The following CCL18 variants were observed in gnomAD, a reference collection of about 807,000 sequenced individuals.
CCL18 encodes the protein C-C motif chemokine ligand 18, also known as C-C motif chemokine 18.
In CCL18, 7 loss-of-function variants were observed where a neutral mutation model predicts 8.0. The ratio of observed to expected loss-of-function variants is 0.87; its 90% CI spans 0.50 to 1.64. CCL18 has a LOEUF of 1.64. Among genes scored for constraint, CCL18 ranks in the 40% most tolerant of loss-of-function variants. CCL18 has a pLI of 0.00. For synonymous variants in CCL18, 35 were observed against 41.3 expected, an observed-to-expected ratio of 0.85 and a Z score of 0.59; for missense variants, 95 against 107.8, an observed-to-expected ratio of 0.88 and a Z score of 0.52.
rs2015052 is a variant in CCL18, at chr17:36,064,653, T to G, written c.67+244T>G. Among the ~76,000 whole-genome samples, 17,062 of 152,188 alleles carry G rather than the reference T, an allele frequency of 0.11. 1,884 individuals carry two copies. Among genetic ancestry groups the G allele is most frequent in the African/African-American group, 0.29 (11,828 of 41,476 alleles). On this transcript the variant is annotated intron_variant, in intron 1 of 2. Transcript: ENST00000616054. ...ATGGTTGAAGTCTAATTCATTGGGTTATTAGCGTGAGGTAGAATCTAGGTC... is the reference window on the plus strand; with the variant it reads ...ATGGTTGAAGTCTAATTCATTGGGTGATTAGCGTGAGGTAGAATCTAGGTC...
At chr17:36,067,649 T>C (rs1162440063) in intron 1 of CCL18, among the ~76,000 whole-genome samples, 2 of 152,064 alleles carry the variant, frequency 1.3e-5, no homozygotes, top group Admixed American at 1.3e-4. Context: ...ATCACACCAC[T>C]GTACTCCATC....
intron 1 of CCL18, among the ~76,000 whole-genome samples, chr17:36,069,545 T>G (rs1361294330): frequency 1.3e-5 from 2 of 152,220 alleles, no homozygotes; most frequent in Admixed American, 1.3e-4. Flanking sequence ...AGTTTACCTA[T>G]GTAACAAGTC....
Position 36,070,960 on chromosome 17 carries a change from C to A in CCL18, c.189C>A (p.Thr63=), listed in dbSNP as rs764229182. ...QCPKPGVILL[T]KRGRQICADP... is the part of the protein sequence containing the mutation. The stretch of plus-strand genomic sequence containing the variant: ...CCTCCCTTCTCCACAGCCTCCTAAC[C>A]AAGAGAGGCCGGCAGATCTGTGCTG... The change falls in exon 3 of 3, where the codon ACC becomes ACA. Residue 63 remains threonine, a synonymous_variant. Transcript: ENST00000616054. The A allele has an allele frequency of 6.2e-7, 1 of 1,612,918 alleles. No homozygotes were observed. The highest frequency in any genetic ancestry group is 8.5e-7 in the Non-Finnish European group (1 of 1,178,888).
At chr17:36,066,920 C>G (rs1445387245) in intron 1 of CCL18, among the ~76,000 whole-genome samples, 1 of 152,204 alleles carries the variant, frequency 6.6e-6, no homozygotes. Context: ...ACCAAGAAGC[C>G]AAGCTTAGCT....
At chr17:36,064,941 A>G (rs2066829203) in intron 1 of CCL18, among the ~76,000 whole-genome samples, 1 of 152,186 alleles carries the variant, frequency 6.6e-6, no homozygotes. Flanking sequence ...AAGCCAGATT[A>G]TTTCCAGCTT....
chr17:36,070,521 TC>T lies in CCL18; in HGVS notation c.143del (p.Ser48LeufsTer15). 1 of 1,613,932 alleles carries T rather than the reference TC, an allele frequency of 6.2e-7. No individual in the cohort carries two copies. Among genetic ancestry groups the T allele is most frequent in the Non-Finnish European group, 8.5e-7 (1 of 1,179,772 alleles). On this transcript the variant is annotated frameshift_variant, in exon 2 of 3. Transcript: ENST00000616054. LOFTEE classifies it low-confidence loss of function (END_TRUNC). ...QIPQKFIVDYSETSPQCPKPG... is the reference protein window; with the variant it reads ...QIPQKFIVDYXETSPQCPKPG... ...TCCACAAAAGTTCATAGTTGACTAT[TC>T]TGAAACCAGCCCCCAGTGCCCCAAG... is the stretch of plus-strand genomic sequence containing the variant.
intron 1 of CCL18, among the ~76,000 whole-genome samples, chr17:36,069,979 G>A (rs746785001): frequency 1.8e-4 from 27 of 152,172 alleles, no homozygotes; most frequent in Non-Finnish European, 3.1e-4. Flanking sequence ...TTCTTCCTAA[G>A]AGGTTTCAGC....
chr17:36,070,358 T>C (rs1016996142), intron 1 of CCL18, 89 bp from the exon 2 acceptor site: 7 of 754,172 alleles, frequency 9.3e-6, no homozygotes, highest in Non-Finnish European at 1.6e-5. Context: ...TATCTCCCAG[T>C]TCTTCCTGAC....
intron 2 of CCL18, 136 bp downstream of exon 2, chr17:36,070,694 C>T: frequency 1.5e-6 from 1 of 659,226 alleles, no homozygotes. Flanking sequence ...TGTTTTGTGA[C>T]CTGGCCTGGG....
rs1444978243 is a variant in CCL18, at chr17:36,071,699, T to A, written c.*658T>A. ...GTAACTGAAATGTGATAGAAAAATT[T>A]TCTACTTAAATGAATATCAAGATGA... On this transcript the variant is annotated 3_prime_UTR_variant, in exon 3 of 3. Coordinates refer to ENST00000616054, the MANE Select transcript of CCL18 (RefSeq NM_002988.4). 6.6e-6 allele frequency: 1 copy of A among 152,350 alleles called. No homozygotes were observed. The highest frequency in any genetic ancestry group is 1.5e-5 in the Non-Finnish European group (1 of 68,054). 9.4% of individuals were successfully genotyped at this position (152,350 alleles called of 1,614,324 possible).
chr17:36,067,856 G>C (rs1159465161), intron 1 of CCL18, among the ~76,000 whole-genome samples: 1 of 152,186 alleles, frequency 6.6e-6, no homozygotes, highest in Non-Finnish European at 1.5e-5. Flanking sequence ...TTTGGTCAAT[G>C]ACAAACTGCA....
In CCL18 at chr17:36,070,516, A is replaced by C. The variant is rs779797706; in HGVS notation, c.137A>C (p.Asp46Ala). The change falls in exon 2 of 3, where the codon GAC (aspartate) becomes GCC (alanine). Residue 46 changes from aspartate to alanine, a missense_variant. Asp to Ala is a moderately radical substitution (Grantham distance 126). Transcript: ENST00000616054. ...CAGATTCCACAAAAGTTCATAGTTG[A>C]CTATTCTGAAACCAGCCCCCAGTGC... The part of the protein sequence containing the change: ...SWQIPQKFIV[D>A]YSETSPQCPK... 1 of 1,614,026 alleles carries C rather than the reference A, an allele frequency of 6.2e-7. No homozygotes were observed. Among genetic ancestry groups the C allele is most frequent in the East Asian group, 2.2e-5 (1 of 44,890 alleles).
intron 1 of CCL18, among the ~76,000 whole-genome samples, chr17:36,068,089 C>G (rs945489503): frequency 6.6e-6 from 1 of 152,070 alleles, no homozygotes; most frequent in Non-Finnish European, 1.5e-5. Flanking sequence ...TTGTGTAAGT[C>G]TATGATATTC....
Position 36,064,493 on chromosome 17 carries a change from C to T in CCL18, c.67+84C>T, listed in dbSNP as rs528490668. On this transcript the variant is annotated intron_variant, in intron 1 of 2. Coordinates refer to ENST00000616054, the MANE Select transcript of CCL18 (RefSeq NM_002988.4). The stretch of plus-strand genomic sequence containing the variant: ...CCAAGTGCTGTGGCCTGAAAACCCT[C>T]GTGTGAAATTAGGGATCCTCAAATG... The T allele has an allele frequency of 4.5e-4, 465 of 1,035,578 alleles. 2 individuals carry two copies. In the African/African-American group the frequency reaches 6.7e-3, roughly 15 times the overall value. 64.1% of individuals were successfully genotyped at this position (1,035,578 alleles called of 1,614,324 possible). A position where few individuals can be genotyped will look rare whatever the true frequency, so the allele number is the denominator to read the frequency against.
intron 1 of CCL18, among the ~76,000 whole-genome samples, chr17:36,069,078 C>A (rs2066852063): frequency 6.6e-6 from 1 of 152,104 alleles, no homozygotes. Context: ...TGGTCTCACA[C>A]TCTTGGCTTC....
intron 1 of CCL18, among the ~76,000 whole-genome samples, chr17:36,067,191 T>G (rs938200771): frequency 6.6e-6 from 1 of 152,104 alleles, no homozygotes; most frequent in Admixed American, 6.5e-5. Context: ...CATTCATAGC[T>G]CCCTACAATA....
chr17:36,066,271 G>A (rs1218015609), intron 1 of CCL18, among the ~76,000 whole-genome samples: 2 of 152,216 alleles, frequency 1.3e-5, no homozygotes, highest in Non-Finnish European at 2.9e-5. Context: ...GAAAGGACAA[G>A]GGTCAAGAGA....
chr17:36,070,834 G>A, intron 2 of CCL18, 117 bp from the exon 3 acceptor site: 1 of 832,366 alleles, frequency 1.2e-6, no homozygotes, highest in Non-Finnish European at 2.1e-6. Context: ...AAGTTAAGGG[G>A]AAATTTTACG....
intron 1 of CCL18, among the ~76,000 whole-genome samples, chr17:36,066,311 T>C (rs1354074780): frequency 6.6e-6 from 1 of 152,160 alleles, no homozygotes; most frequent in African/African-American, 2.4e-5. Flanking sequence ...ACTTGTGAGC[T>C]GAGGGCCATG....
Sources: allele counts gnomAD v4.1 joint callset (sites outside exome capture counted in the v4.1 genomes callset), GRCh38; gene constraint gnomAD v4.1.1; transcripts MANE v1.5; gene names NCBI Gene and HGNC (gene_info 2026-07-23, HGNC 2026-07-21).